Variants in ENOX1 observed in about 807,000 individuals in gnomAD.
ENOX1 encodes ecto-NOX disulfide-thiol exchanger 1, also known as candidate growth-related and time keeping constitutive hydroquinone (NADH) oxidase.
A neutral mutation model predicts 82.5 loss-of-function variants in ENOX1; 42 were observed. The ratio of observed to expected loss-of-function variants is 0.51; its 90% CI spans 0.40 to 0.66. The LOEUF is 0.66. Among genes scored for constraint, ENOX1 ranks in the 30% least tolerant of loss-of-function variants. The probability of loss-of-function intolerance (pLI) is 0.00; values close to 1 mark genes in which losing one functional copy is unlikely to be tolerated. For synonymous variants in ENOX1, 271 were observed against 282.2 expected (o/e 0.96, Z 0.40); for missense variants, 608 against 811.6 (o/e 0.75, Z 3.05).
chr13:43,712,788 C>T (rs947313958), intron 1 of ENOX1, among the ~76,000 whole-genome samples: 1 of 152,090 alleles, frequency 6.6e-6, no homozygotes, highest in African/African-American at 2.4e-5. Flanking sequence ...GCTGAAGTTG[C>T]TTATCAGCTT....
rs189607938 is a variant in ENOX1 at position 43,467,203 on chromosome 13, G to T, written c.-75+16806C>A. On this transcript the variant is annotated intron_variant, in intron 3 of 16. Transcript: ENST00000690772. ...AAATGTCAAGGTGTTTTATCAAAGT[G>T]GTTACAGCACTTTACAATCCCATCA... Among the ~76,000 whole-genome samples, 11 of 152,246 alleles carry T rather than the reference G, an allele frequency of 7.2e-5. No homozygotes were observed. In the East Asian group the frequency reaches 1.9e-3, roughly 27 times the overall value.
chr13:43,308,212 C>T (rs530388480), intron 11 of ENOX1, among the ~76,000 whole-genome samples: 32 of 152,282 alleles, frequency 2.1e-4, no homozygotes, highest in African/African-American at 7.5e-4. Context: ...CCAAATGTGC[C>T]CGACACAGAC....
At chr13:43,474,660 CTCT>C in intron 3 of ENOX1, among the ~76,000 whole-genome samples, 1 of 152,302 alleles carries the variant, frequency 6.6e-6, no homozygotes, top group East Asian at 1.9e-4. Context: ...ACTTTTCTCA[CTCT>C]TCTTTATTCT....
At chr13:43,705,324 C>A (rs544769434) in intron 1 of ENOX1, among the ~76,000 whole-genome samples, 96 of 27,172 alleles carry the variant, frequency 3.5e-3, no homozygotes, top group South Asian at 0.033. Flanking sequence ...CTCTCTCTCT[C>A]TCTCTCTATA....
chr13:43,331,598 C>T (rs945449741), intron 9 of ENOX1, among the ~76,000 whole-genome samples: 1 of 152,140 alleles, frequency 6.6e-6, no homozygotes, highest in Non-Finnish European at 1.5e-5. Flanking sequence ...TGACCTCTCC[C>T]ACCCCAGCTT....
chr13:43,344,390 A>G, intron 9 of ENOX1, 148 bp downstream of exon 9: 1 of 692,268 alleles, frequency 1.4e-6, no homozygotes. Flanking sequence ...TTGCCACAGA[A>G]CATGAAATAG....
intron 5 of ENOX1, among the ~76,000 whole-genome samples, chr13:43,389,812 A>G (rs2052657854): frequency 6.6e-6 from 1 of 152,192 alleles, no homozygotes; most frequent in South Asian, 2.1e-4. Flanking sequence ...ATATCTCTTG[A>G]TTTAGATATA....
intron 1 of ENOX1, among the ~76,000 whole-genome samples, chr13:43,710,511 A>C (rs1192298037): frequency 6.6e-6 from 1 of 152,184 alleles, no homozygotes; most frequent in African/African-American, 2.4e-5. Context: ...ATTAATTGAA[A>C]AACTTTAGAC....
chr13:43,473,200 T>C (rs1305906784), intron 3 of ENOX1, among the ~76,000 whole-genome samples: 1 of 152,240 alleles, frequency 6.6e-6, no homozygotes, highest in African/African-American at 2.4e-5. Context: ...TGTTTCATCC[T>C]ACTATGACTG....
intron 2 of ENOX1, among the ~76,000 whole-genome samples, chr13:43,603,601 T>C (rs1015070854): frequency 1.4e-5 from 2 of 145,962 alleles, no homozygotes; most frequent in African/African-American, 5.2e-5. Context: ...TGTGTTCTCA[T>C]TGTTCAATTC....
chr13:43,429,499 A>T (rs1348156333), intron 3 of ENOX1, among the ~76,000 whole-genome samples: 1 of 152,150 alleles, frequency 6.6e-6, no homozygotes, highest in Non-Finnish European at 1.5e-5. Flanking sequence ...AGGTAGTTTG[A>T]GCCTGTGTGT....
intron 2 of ENOX1, among the ~76,000 whole-genome samples, chr13:43,634,150 T>C (rs1196548391): frequency 6.6e-6 from 1 of 152,194 alleles, no homozygotes; most frequent in Non-Finnish European, 1.5e-5. Context: ...TGGTAGCTTC[T>C]GAATCTCTTT....
chr13:43,349,575 CTT>C (rs1352894809), intron 8 of ENOX1, among the ~76,000 whole-genome samples: 5 of 152,112 alleles, frequency 3.3e-5, no homozygotes, highest in Admixed American at 1.3e-4. Flanking sequence ...TGGGAGAACT[CTT>C]TGCTATATTC....
chr13:43,402,717 C>G (rs2053566395), intron 5 of ENOX1, among the ~76,000 whole-genome samples: 1 of 152,194 alleles, frequency 6.6e-6, no homozygotes, highest in Non-Finnish European at 1.5e-5. Context: ...AAATAAAAGA[C>G]TTTGACATTA....
In ENOX1 at chr13:43,382,748, T is replaced by A. The variant is rs925353156; in HGVS notation, c.209-21296A>T. Among the ~76,000 whole-genome samples, 3 of 152,212 alleles carry A rather than the reference T, an allele frequency of 2.0e-5. No homozygotes were observed. In the South Asian group the frequency reaches 6.2e-4, roughly 32 times the overall value. ...AAGTATATACATATGTCAAAACTTA[T>A]GAAATTGTAGAATTTAAATATGTAC... On this transcript the variant is annotated intron_variant, in intron 5 of 16. Coordinates refer to ENST00000690772, the MANE Select transcript of ENOX1 (RefSeq NM_001347969.2).
At chr13:43,320,581 T>C (rs895906931) in intron 11 of ENOX1, among the ~76,000 whole-genome samples, 2 of 152,092 alleles carry the variant, frequency 1.3e-5, no homozygotes, top group Admixed American at 6.5e-5. Flanking sequence ...ATTATTCTGG[T>C]CCTATCCTAA....
At chr13:43,257,778 G>A (rs1467800291) in intron 14 of ENOX1, among the ~76,000 whole-genome samples, 1 of 152,130 alleles carries the variant, frequency 6.6e-6, no homozygotes, top group African/African-American at 2.4e-5. Context: ...TCTCTGGTAG[G>A]ATTATCATGA....
chr13:43,389,368 G>A (rs530780616), intron 5 of ENOX1, among the ~76,000 whole-genome samples: 4 of 152,324 alleles, frequency 2.6e-5, no homozygotes, highest in Admixed American at 6.5e-5. Flanking sequence ...TTCACCCATG[G>A]AGTTAGTAAA....
chr13:43,338,671 G>T (rs1237773869), intron 9 of ENOX1, among the ~76,000 whole-genome samples: 5 of 140,026 alleles, frequency 3.6e-5, no homozygotes, highest in Admixed American at 2.9e-4. Context: ...CAAAATTCAG[G>T]TTGGGTTTTT....
Sources: gnomAD v4.1 joint callset for allele counts (sites outside exome capture counted in the v4.1 genomes callset) on GRCh38, gnomAD v4.1.1 for gene constraint, MANE v1.5 for transcripts, NCBI Gene and HGNC (gene_info 2026-07-23, HGNC 2026-07-21) for gene names.